NCALD: variants seen among roughly 807,000 people sequenced by gnomAD.
The protein encoded by NCALD is neurocalcin-delta.
Under a neutral mutation model 18.6 loss-of-function variants are expected in NCALD, and 10 were observed. That is an observed-to-expected ratio of 0.54 (90% CI 0.33 to 0.91). NCALD has a LOEUF of 0.91. NCALD is among the 40% of genes least tolerant of loss of function. The probability of loss-of-function intolerance (pLI) is 0.03; values close to 1 mark genes in which losing one functional copy is unlikely to be tolerated. For synonymous variants in NCALD, 88 were observed against 87.4 expected, an observed-to-expected ratio of 1.01 and a Z score of -0.04; for missense variants, 184 against 247.6, an observed-to-expected ratio of 0.74 and a Z score of 1.72.
chr8:101,726,489 T>C (rs1453897608), intron 1 of NCALD, among the ~76,000 whole-genome samples: 1 of 152,058 alleles, frequency 6.6e-6, no homozygotes, highest in African/African-American at 2.4e-5. Flanking sequence ...GGTTCATATG[T>C]AAGATGTGAA....
At chr8:102,032,525 G>A (rs757400500) in intron 1 of NCALD, among the ~76,000 whole-genome samples, 7 of 149,706 alleles carry the variant, frequency 4.7e-5, no homozygotes, top group Non-Finnish European at 8.9e-5. Flanking sequence ...TAGACTGAAA[G>A]ATGGCCAGAA....
intron 4 of NCALD, among the ~76,000 whole-genome samples, chr8:101,810,557 T>C (rs1030883778): frequency 5.9e-5 from 9 of 152,200 alleles, no homozygotes; most frequent in African/African-American, 9.6e-5. Context: ...TGAATTTATA[T>C]TTATATTTTC....
intron 1 of NCALD, among the ~76,000 whole-genome samples, chr8:101,757,948 C>T (rs1768953359): frequency 6.6e-6 from 1 of 152,142 alleles, no homozygotes. Context: ...TGTGCTATCA[C>T]ACCCAGATAA....
chr8:101,741,729 C>T (rs1407078331), intron 1 of NCALD, among the ~76,000 whole-genome samples: 1 of 129,360 alleles, frequency 7.7e-6, no homozygotes, highest in African/African-American at 2.9e-5. Flanking sequence ...AAGTTCGAGA[C>T]CAGCCTAAGC....
At chr8:102,048,291 T>G (rs1322033712) in intron 1 of NCALD, among the ~76,000 whole-genome samples, 1 of 152,166 alleles carries the variant, frequency 6.6e-6, no homozygotes, top group South Asian at 2.1e-4. Flanking sequence ...CCGGAAAATA[T>G]AACTCAGTAA....
At chr8:101,994,751 T>TTACTCATTACTCTCA (rs1821174987) in intron 2 of NCALD, among the ~76,000 whole-genome samples, 1 of 152,204 alleles carries the variant, frequency 6.6e-6, no homozygotes, top group Non-Finnish European at 1.5e-5. Flanking sequence ...AATGATGAAA[T>TTACTCATTACTCTCA]AGAATAGAGT....
intron 4 of NCALD, among the ~76,000 whole-genome samples, chr8:101,807,064 C>A (rs771881976): frequency 6.6e-5 from 10 of 152,004 alleles, no homozygotes; most frequent in Non-Finnish European, 1.2e-4. Flanking sequence ...GCAAAACTAT[C>A]TTTCAAAAAT....
chr8:101,837,953 A>G (rs1304926832), intron 4 of NCALD, among the ~76,000 whole-genome samples: 5 of 152,210 alleles, frequency 3.3e-5, no homozygotes, highest in Admixed American at 2.0e-4. Flanking sequence ...GAAGACCCTG[A>G]GCAGGAATCA....
chr8:101,878,770 C>A (rs909690915), intron 4 of NCALD, among the ~76,000 whole-genome samples: 5 of 152,150 alleles, frequency 3.3e-5, no homozygotes, highest in African/African-American at 1.2e-4. Context: ...GTATGATGAT[C>A]CCACAGGTGC....
intron 2 of NCALD, among the ~76,000 whole-genome samples, chr8:101,975,618 G>A (rs1467801886): frequency 6.6e-6 from 1 of 152,174 alleles, no homozygotes; most frequent in African/African-American, 2.4e-5. Context: ...GAATTTGTGA[G>A]ACCTCTACGA....
chr8:101,965,602 C>G (rs908665329), intron 2 of NCALD, among the ~76,000 whole-genome samples: 1 of 151,906 alleles, frequency 6.6e-6, no homozygotes, highest in African/African-American at 2.4e-5. Context: ...CATCACACAC[C>G]AGGACCTGTT....
chr8:102,026,682 A>G (rs1412922984), intron 1 of NCALD, among the ~76,000 whole-genome samples: 1 of 152,034 alleles, frequency 6.6e-6, no homozygotes, highest in African/African-American at 2.4e-5. Context: ...ATACTATTCT[A>G]AGGTCTGAAG....
intron 3 of NCALD, among the ~76,000 whole-genome samples, chr8:101,892,695 C>A (rs970282655): frequency 6.6e-6 from 1 of 150,462 alleles, no homozygotes; most frequent in Admixed American, 6.6e-5. Flanking sequence ...AAAACCAAGG[C>A]TCGAGAACTA....
intron 1 of NCALD, among the ~76,000 whole-genome samples, chr8:102,082,387 A>G (rs1456679488): frequency 5.3e-5 from 8 of 151,758 alleles, no homozygotes; most frequent in Non-Finnish European, 1.5e-5. Flanking sequence ...GTGCCAGCCA[A>G]AAGCTCTCTT....
intron 2 of NCALD, chr8:101,975,371 G>A (rs2131913913): frequency 6.6e-6 from 1 of 152,292 alleles, no homozygotes; most frequent in African/African-American, 2.4e-5. Flanking sequence ...GGCTCTCTAA[G>A]CCCCACCCCC....
At chr8:101,933,871 T>C (rs1818663475) in intron 2 of NCALD, among the ~76,000 whole-genome samples, 1 of 152,128 alleles carries the variant, frequency 6.6e-6, no homozygotes, top group Admixed American at 6.5e-5. Flanking sequence ...TTGGAATCAT[T>C]AGCACGTAAG....
rs1426370823 is a variant in NCALD at position 101,741,746 on chromosome 8, G to C, written c.-19-22098C>G. On this transcript the variant is annotated intron_variant, in intron 1 of 3. Transcript: ENST00000220931. ...GTTCGAGACCAGCCTAAGCAGCATA[G>C]GGAGACCTCATCTCTACAAAAAAAA... is the stretch of plus-strand genomic sequence containing the variant. Among the ~76,000 whole-genome samples, 7 of 125,798 alleles carry C rather than the reference G, an allele frequency of 5.6e-5. No individual in the cohort carries two copies. The East Asian group carries it at 1.6e-3, about 29-fold the overall frequency. 82.5% of individuals were successfully genotyped at this position (125,798 alleles called of 152,430 possible).
At chr8:102,119,416 G>T (rs1258108202) in intron 1 of NCALD, among the ~76,000 whole-genome samples, 1 of 152,174 alleles carries the variant, frequency 6.6e-6, no homozygotes, top group Non-Finnish European at 1.5e-5. Context: ...GAAGGGAGGA[G>T]GAGATAGGAA....
intron 1 of NCALD, among the ~76,000 whole-genome samples, chr8:101,783,389 G>C (rs1812095332): frequency 6.6e-6 from 1 of 152,106 alleles, no homozygotes; most frequent in Non-Finnish European, 1.5e-5. Flanking sequence ...CAGACCAATG[G>C]GACAGCTGCC....
Sources: allele counts gnomAD v4.1 joint callset (sites outside exome capture counted in the v4.1 genomes callset), GRCh38; gene constraint gnomAD v4.1.1; transcripts MANE v1.5; gene names NCBI Gene and HGNC (gene_info 2026-07-23, HGNC 2026-07-21).